The following CECR2 variants were observed in gnomAD, a reference collection of about 807,000 sequenced individuals.
CECR2 encodes CECR2 histone acetyl-lysine reader, also known as chromatin remodeling regulator CECR2.
A neutral mutation model predicts 154.5 loss-of-function variants in CECR2; 30 were observed. That is an observed-to-expected ratio of 0.19 (90% confidence interval 0.15 to 0.26). CECR2 has a LOEUF of 0.26. Ranked by LOEUF, CECR2 falls within the 10% of genes least tolerant of loss-of-function variation. CECR2 has a pLI of 1.00. For synonymous variants in CECR2, 725 were observed against 683.7 expected (o/e 1.06, Z -0.94); for missense variants, 1,743 against 1,829.3 (o/e 0.95, Z 0.86).
chr22:17,448,372 A>T (rs569515343), intron 1 of CECR2, among the ~76,000 whole-genome samples: 171 of 152,338 alleles, frequency 1.1e-3, no homozygotes, highest in Non-Finnish European at 2.1e-3. Flanking sequence ...GTTTTTGTAA[A>T]TATAATTAAT....
intron 16 of CECR2, among the ~76,000 whole-genome samples, chr22:17,543,261 T>G (rs1182832053): frequency 6.6e-6 from 1 of 151,976 alleles, no homozygotes; most frequent in Non-Finnish European, 1.5e-5. Flanking sequence ...GCCTCCCGAG[T>G]GTCTGGGACT....
Position 17,523,214 on chromosome 22 carries a change from C to T in CECR2, c.955-904C>T, listed in dbSNP as rs1175000234. Among the ~76,000 whole-genome samples, 3 of 152,146 alleles carry T rather than the reference C, an allele frequency of 2.0e-5. No individual in the cohort carries two copies. In the East Asian group the frequency reaches 5.8e-4, roughly 29 times the overall value. ...CCTGGCCAACATGGCGAAACCCCAT[C>T]TCTATTAAAAATACAAAAATTAGCT... On this transcript the variant is annotated intron_variant, in intron 8 of 18. Transcript: ENST00000262608.
intron 9 of CECR2, among the ~76,000 whole-genome samples, chr22:17,524,692 C>A (rs1173382624): frequency 1.6e-4 from 7 of 44,306 alleles, no homozygotes; most frequent in Non-Finnish European, 2.3e-4. Context: ...ATGCCTGGCC[C>A]TTTTTTTTTT....
chr22:17,394,951 A>G (rs1415347250), intron 1 of CECR2, among the ~76,000 whole-genome samples: 8 of 152,132 alleles, frequency 5.3e-5, no homozygotes, highest in African/African-American at 1.7e-4. Flanking sequence ...TTAAAAATCA[A>G]TTTTATTGAG....
chr22:17,479,436 T>C (rs142985264), intron 2 of CECR2, among the ~76,000 whole-genome samples: 4 of 152,202 alleles, frequency 2.6e-5, no homozygotes, highest in East Asian at 1.9e-4. Flanking sequence ...TTGCCAGTTA[T>C]GTAATTACAA....
chr22:17,548,212 C>T lies in CECR2; in HGVS notation c.2925C>T (p.Leu975=), dbSNP rs1313918045. The change falls in exon 17 of 19, where the codon CTC becomes CTT. Residue 975 remains leucine (L), a synonymous_variant. Transcript: ENST00000262608. The part of the protein sequence containing the change: ...PGVGTSEGVY[L]TQLPHPTPPL... ...TTGGTACTTCAGAGGGGGTCTACCT[C>T]ACACAACTACCTCACCCCACACCTC... 6.3e-7 allele frequency: 1 copy of T among 1,593,714 alleles called. No individual in the cohort carries two copies. The highest frequency in any genetic ancestry group is 8.5e-7 in the Non-Finnish European group (1 of 1,170,262).
At chr22:17,424,770 C>T (rs2054306106) in intron 1 of CECR2, 1 of 153,102 alleles carries the variant, frequency 6.5e-6, no homozygotes, top group Non-Finnish European at 1.5e-5. Flanking sequence ...TAGACAAAGA[C>T]ACAGGCCATG....
chr22:17,511,917 C>G, intron 8 of CECR2, 21 bp downstream of exon 8: 1 of 1,559,000 alleles, frequency 6.4e-7, no homozygotes, highest in Non-Finnish European at 8.8e-7. Flanking sequence ...GTGAGAGTAG[C>G]GAGGAGGAGC....
intron 1 of CECR2, among the ~76,000 whole-genome samples, chr22:17,433,557 C>T (rs2054458745): frequency 6.6e-6 from 1 of 152,128 alleles, no homozygotes; most frequent in Non-Finnish European, 1.5e-5. Context: ...GTAGTCCTCC[C>T]ACCTCAGCCT....
intron 9 of CECR2, among the ~76,000 whole-genome samples, chr22:17,530,692 A>C (rs1409486921): frequency 6.6e-6 from 1 of 151,736 alleles, no homozygotes; most frequent in Non-Finnish European, 1.5e-5. Context: ...AAAAAGAAAA[A>C]AAAAAACAAC....
At chr22:17,434,886 G>A (rs181718902) in intron 1 of CECR2, among the ~76,000 whole-genome samples, 24 of 152,278 alleles carry the variant, frequency 1.6e-4, no homozygotes, top group East Asian at 1.3e-3. Flanking sequence ...AGAGCAGCCA[G>A]CATTATCTGG....
At chr22:17,468,356 G>A (rs889911927) in intron 1 of CECR2, among the ~76,000 whole-genome samples, 1 of 152,162 alleles carries the variant, frequency 6.6e-6, no homozygotes, top group African/African-American at 2.4e-5. Context: ...AAGTCACCAA[G>A]TCTGGCCCTC....
chr22:17,442,290 G>A (rs1220236453), intron 1 of CECR2, among the ~76,000 whole-genome samples: 1 of 152,314 alleles, frequency 6.6e-6, no homozygotes, highest in African/African-American at 2.4e-5. Context: ...CAGGCCAGGT[G>A]TGGTGGCTCA....
At chr22:17,475,423 G>T (rs1009086882) in intron 1 of CECR2, among the ~76,000 whole-genome samples, 2 of 152,122 alleles carry the variant, frequency 1.3e-5, no homozygotes, top group Non-Finnish European at 2.9e-5. Flanking sequence ...GGAGAAGCCA[G>T]TTAACCTTTC....
chr22:17,551,761 A>G (rs935171080), intron 17 of CECR2, among the ~76,000 whole-genome samples: 8 of 152,076 alleles, frequency 5.3e-5, no homozygotes, highest in African/African-American at 1.7e-4. Context: ...TCCTGCCACT[A>G]CATTCTAACA....
Position 17,524,168 on chromosome 22 carries a change from A to G in CECR2, c.1005A>G (p.Glu335=). ...RIEKQKRKEE[E]EERQILLAVQ... The stretch of plus-strand genomic sequence containing the variant: ...AAAAACAAAAGCGCAAAGAGGAGGA[A>G]GAAGAGCGTCAGATTCTTCTAGCAG... Residue 335 remains glutamate (E), a synonymous_variant, in exon 9 of 19, where the codon GAA becomes GAG. Transcript: ENST00000262608. The G allele has an allele frequency of 1.2e-6, 2 of 1,605,896 alleles. No homozygotes were observed. Among genetic ancestry groups the G allele is most frequent in the Middle Eastern group, 3.3e-4 (2 of 6,054 alleles).
intron 1 of CECR2, among the ~76,000 whole-genome samples, chr22:17,431,111 A>G (rs970749182): frequency 7.9e-5 from 12 of 152,182 alleles, no homozygotes; most frequent in African/African-American, 2.9e-4. Context: ...TAGCTTCTGA[A>G]TGCTGTATCT....
chr22:17,381,396 G>T (rs955866877), intron 1 of CECR2, among the ~76,000 whole-genome samples: 1 of 152,044 alleles, frequency 6.6e-6, no homozygotes, highest in African/African-American at 2.4e-5. Flanking sequence ...AACACTTCAC[G>T]ACTCTGCGTG....
At chr22:17,467,714 G>A (rs536942934) in intron 1 of CECR2, among the ~76,000 whole-genome samples, 9 of 152,200 alleles carry the variant, frequency 5.9e-5, no homozygotes, top group Non-Finnish European at 8.8e-5. Flanking sequence ...CCTGGGAGGC[G>A]GAGGTTGCAG....
Sources: allele counts gnomAD v4.1 joint callset (sites outside exome capture counted in the v4.1 genomes callset), GRCh38; gene constraint gnomAD v4.1.1; transcripts MANE v1.5; gene names NCBI Gene and HGNC (gene_info 2026-07-23, HGNC 2026-07-21).